Variants in TMED5 observed in about 807,000 individuals in gnomAD.
The protein encoded by TMED5 is transmembrane p24 trafficking protein 5.
A neutral mutation model predicts 23.0 loss-of-function variants in TMED5; 27 were observed. The ratio of observed to expected loss-of-function variants is 1.17; its 90% CI spans 0.86 to 1.62. TMED5 has a LOEUF of 1.62. TMED5 is among the 40% of genes most tolerant of loss of function. The pLI, the probability that TMED5 is intolerant of heterozygous loss-of-function variation, is 0.00. For synonymous variants in TMED5, 97 were observed against 100.8 expected (o/e 0.96, Z 0.23); for missense variants, 248 against 273.7 (o/e 0.91, Z 0.66).
chr1:93,177,611 A>AAAAAAAG (rs1557580058), intron 1 of TMED5, among the ~76,000 whole-genome samples: 1 of 140,432 alleles, frequency 7.1e-6, no homozygotes, highest in African/African-American at 2.6e-5. Context: ...AAAAAAAAAA[A>AAAAAAAG]GGAACAGTCC....
rs1187756496 is a variant in TMED5 at position 93,152,305 on chromosome 1, A to G, written c.*2365T>C. On this transcript the variant is annotated 3_prime_UTR_variant, in exon 4 of 4. Coordinates refer to ENST00000370282, the MANE Select transcript of TMED5 (RefSeq NM_016040.5). ...AAAATTTGTATATTGAAAAAGACAA[A>G]ATGAGCTGTTAAGTGATAAACAGCT... 6.6e-6 allele frequency: 1 copy of G among 152,570 alleles called. No individual in the cohort carries two copies. The highest frequency in any genetic ancestry group is 1.5e-5 in the Non-Finnish European group (1 of 68,014). 9.5% of individuals were successfully genotyped at this position (152,570 alleles called of 1,614,324 possible).
chr1:93,154,496 C>T lies in TMED5; in HGVS notation c.*174G>A. ...GTTACACACTTAAGTACAACTGGAT[C>T]AGCAGGATTACTTGCACAGAAAGTG... On this transcript the variant is annotated 3_prime_UTR_variant, in exon 4 of 4. Coordinates refer to ENST00000370282, the MANE Select transcript of TMED5 (RefSeq NM_016040.5). 2 of 599,526 alleles carry T rather than the reference C, an allele frequency of 3.3e-6. No homozygotes were observed. The highest frequency in any genetic ancestry group is 5.9e-6 in the Non-Finnish European group (2 of 340,924). 37.1% of individuals were successfully genotyped at this position (599,526 alleles called of 1,614,324 possible).
intron 3 of TMED5, among the ~76,000 whole-genome samples, chr1:93,155,782 A>G (rs1648052498): frequency 6.6e-6 from 1 of 152,092 alleles, no homozygotes; most frequent in African/African-American, 2.4e-5. Flanking sequence ...CTGGCAAATG[A>G]TTTCATTTTT....
intron 3 of TMED5, among the ~76,000 whole-genome samples, chr1:93,155,486 C>G (rs1388338209): frequency 6.7e-6 from 1 of 149,830 alleles, no homozygotes; most frequent in Non-Finnish European, 1.5e-5. Context: ...GTTTTACGTA[C>G]ATTATCTCTT....
Position 93,170,893 on chromosome 1 carries a change from A to G in TMED5, c.189+9161T>C, listed in dbSNP as rs1311348261. Among the ~76,000 whole-genome samples the G allele has an allele frequency of 2.0e-5, 3 of 152,138 alleles. 1 individual carries two copies. Among genetic ancestry groups the G allele is most frequent in the Non-Finnish European group, 4.4e-5 (3 of 67,994 alleles). On this transcript the variant is annotated intron_variant, in intron 1 of 3. Coordinates refer to ENST00000370282, the MANE Select transcript of TMED5 (RefSeq NM_016040.5). Reference sequence around the variant, plus strand: ...AGCACCCTGTCAAAACAGACCAATCAGCTCTCTGTAAAACAGACCAATCAG... The same window carrying G: ...AGCACCCTGTCAAAACAGACCAATCGGCTCTCTGTAAAACAGACCAATCAG...
chr1:93,164,105 T>C (rs1158039982), intron 1 of TMED5, among the ~76,000 whole-genome samples: 1 of 152,124 alleles, frequency 6.6e-6, no homozygotes, highest in Admixed American at 6.5e-5. Context: ...TTAATTTTGA[T>C]GCTGACAAAT....
intron 1 of TMED5, among the ~76,000 whole-genome samples, chr1:93,177,319 C>T (rs796220902): frequency 4.6e-5 from 7 of 152,142 alleles, no homozygotes; most frequent in African/African-American, 1.4e-4. Flanking sequence ...TGGCTCACAC[C>T]TATAATCCCA....
chr1:93,155,922 A>T (rs1339026788), intron 3 of TMED5: 1 of 543,846 alleles, frequency 1.8e-6, no homozygotes, highest in Non-Finnish European at 3.1e-6. Flanking sequence ...TAATACCACA[A>T]AATAGTTGTG....
chr1:93,155,443 C>T (rs1343629984), intron 3 of TMED5, among the ~76,000 whole-genome samples: 2 of 151,452 alleles, frequency 1.3e-5, no homozygotes, highest in Non-Finnish European at 2.9e-5. Flanking sequence ...AAATAGGTAA[C>T]ATGAAATTAT....
intron 1 of TMED5, among the ~76,000 whole-genome samples, chr1:93,168,409 G>C (rs1648581224): frequency 6.6e-6 from 1 of 152,148 alleles, no homozygotes; most frequent in African/African-American, 2.4e-5. Flanking sequence ...TAAATATAAA[G>C]ACACAGATAG....
intron 2 of TMED5, among the ~76,000 whole-genome samples, chr1:93,157,785 C>T (rs1241317551): frequency 1.3e-5 from 2 of 152,130 alleles, no homozygotes; most frequent in Admixed American, 6.6e-5. Context: ...GCTGCTCTTA[C>T]AAAATTAATA....
intron 1 of TMED5, among the ~76,000 whole-genome samples, chr1:93,165,163 A>C (rs1648448913): frequency 2.0e-5 from 3 of 152,236 alleles, no homozygotes; most frequent in Non-Finnish European, 4.4e-5. Flanking sequence ...TGAGAGATCC[A>C]GAGTAGAAGA....
chr1:93,169,751 T>C (rs1648640531), intron 1 of TMED5, among the ~76,000 whole-genome samples: 1 of 151,910 alleles, frequency 6.6e-6, no homozygotes, highest in African/African-American at 2.4e-5. Context: ...CTATGGACAT[T>C]AAAAAGATAA....
At chr1:93,165,299 A>T (rs1442308433) in intron 1 of TMED5, among the ~76,000 whole-genome samples, 2 of 152,272 alleles carry the variant, frequency 1.3e-5, no homozygotes, top group African/African-American at 4.8e-5. Context: ...TACATAAGAA[A>T]GGAGAGCATC....
At position 93,154,001 on chromosome 1, in the gene TMED5, C is replaced by CT. The variant is rs1466283811; in HGVS notation, c.*668dup. ...CATGTCCTAATTTTAGTAAGTGTAA[C>CT]TTTGTGTTTTTAAGAATCGTGAAAA... is the stretch of plus-strand genomic sequence containing the variant. On this transcript the variant is annotated 3_prime_UTR_variant, in exon 4 of 4. Transcript: ENST00000370282. 1 of 152,452 alleles carries CT rather than the reference C, an allele frequency of 6.6e-6. No homozygotes were observed. Among genetic ancestry groups the CT allele is most frequent in the Non-Finnish European group, 1.5e-5 (1 of 67,958 alleles). The allele number at this position is 152,452 out of a possible 1,614,324, so 9.4% of individuals were successfully genotyped here.
chr1:93,164,389 G>A (rs143551946), intron 1 of TMED5, among the ~76,000 whole-genome samples: 314 of 152,200 alleles, frequency 2.1e-3, no homozygotes, highest in African/African-American at 7.3e-3. Flanking sequence ...AATTATGTAA[G>A]GGGCAGGAAC....
chr1:93,169,082 C>T (rs1022798304), intron 1 of TMED5, among the ~76,000 whole-genome samples: 4 of 152,156 alleles, frequency 2.6e-5, no homozygotes, highest in African/African-American at 9.7e-5. Context: ...CTGAACAGCA[C>T]CATCAATCAA....
At chr1:93,171,816 A>G (rs1053110726) in intron 1 of TMED5, among the ~76,000 whole-genome samples, 4 of 152,212 alleles carry the variant, frequency 2.6e-5, no homozygotes, top group Non-Finnish European at 5.9e-5. Context: ...TCAACAAAAT[A>G]TTAGCAAAGC....
intron 1 of TMED5, among the ~76,000 whole-genome samples, chr1:93,172,339 A>C (rs756213987): frequency 6.6e-6 from 1 of 152,234 alleles, no homozygotes; most frequent in Non-Finnish European, 1.5e-5. Flanking sequence ...CCCGGAACTA[A>C]TAAGTGATGA....
Sources: allele counts gnomAD v4.1 joint callset (sites outside exome capture counted in the v4.1 genomes callset), GRCh38; gene constraint gnomAD v4.1.1; transcripts MANE v1.5; gene names NCBI Gene and HGNC (gene_info 2026-07-23, HGNC 2026-07-21).